Variants in CDH9 observed in about 807,000 individuals in gnomAD.
The protein encoded by CDH9 is cadherin 9.
CDH9 carries 28 observed loss-of-function variants against 70.9 expected under a neutral mutation model. That is an observed-to-expected ratio of 0.40 (90% confidence interval 0.29 to 0.54). The LOEUF is 0.54. CDH9 is among the 20% of genes least tolerant of loss of function. The pLI, the probability that CDH9 is intolerant of heterozygous loss-of-function variation, is 0.59. For synonymous variants in CDH9, 409 were observed against 343.1 expected (o/e 1.19, Z -2.12); for missense variants, 874 against 984.4 (o/e 0.89, Z 1.50).
intron 2 of CDH9, among the ~76,000 whole-genome samples, chr5:26,919,168 A>G (rs1002028001): frequency 6.6e-5 from 10 of 152,132 alleles, no homozygotes; most frequent in Non-Finnish European, 2.9e-5. Context: ...AGGCACTGAA[A>G]AAGGTAGAAA....
chr5:26,900,740 A>G (rs577129646), intron 7 of CDH9, among the ~76,000 whole-genome samples: 1 of 152,236 alleles, frequency 6.6e-6, no homozygotes, highest in South Asian at 2.1e-4. Context: ...TAGGATTTCT[A>G]GCATAAAAAT....
At chr5:26,939,900 AGCACT>A (rs1172056541) in intron 2 of CDH9, among the ~76,000 whole-genome samples, 2 of 152,118 alleles carry the variant, frequency 1.3e-5, no homozygotes, top group East Asian at 3.9e-4. Context: ...CTGTAATCCC[AGCACT>A]TTGGGAGGCT....
At chr5:26,897,371 G>T (rs1466373221) in intron 7 of CDH9, among the ~76,000 whole-genome samples, 1 of 152,074 alleles carries the variant, frequency 6.6e-6, no homozygotes, top group Non-Finnish European at 1.5e-5. Context: ...AACAAAAAAA[G>T]AAAATTTCAG....
At chr5:26,931,980 T>A (rs2112024896) in intron 2 of CDH9, among the ~76,000 whole-genome samples, 1 of 152,284 alleles carries the variant, frequency 6.6e-6, no homozygotes, top group South Asian at 2.1e-4. Flanking sequence ...TCAACCAAGA[T>A]AATTACAAAT....
chr5:26,941,044 A>G (rs773822391), intron 2 of CDH9, among the ~76,000 whole-genome samples: 1 of 152,222 alleles, frequency 6.6e-6, no homozygotes, highest in Non-Finnish European at 1.5e-5. Context: ...GAGAAAATGA[A>G]TGAATGTCTT....
At chr5:27,011,017 T>A (rs1196475877) in intron 1 of CDH9, among the ~76,000 whole-genome samples, 2 of 152,104 alleles carry the variant, frequency 1.3e-5, no homozygotes, top group African/African-American at 4.8e-5. Flanking sequence ...TTATGGCCCT[T>A]AAGCTTTCCA....
At chr5:27,035,777 G>T (rs951156267) in intron 1 of CDH9, among the ~76,000 whole-genome samples, 1 of 150,800 alleles carries the variant, frequency 6.6e-6, no homozygotes, top group African/African-American at 2.4e-5. Flanking sequence ...CATTTTTTAA[G>T]ATATCTTTTT....
chr5:27,019,242 T>G (rs1743096022), intron 1 of CDH9, among the ~76,000 whole-genome samples: 1 of 152,038 alleles, frequency 6.6e-6, no homozygotes. Flanking sequence ...CATCTCCTAT[T>G]ACAGATGAGA....
chr5:26,992,818 C>G (rs932925186), intron 1 of CDH9, among the ~76,000 whole-genome samples: 1 of 152,012 alleles, frequency 6.6e-6, no homozygotes. Context: ...AAATAATGGC[C>G]GGGCGTGGTG....
chr5:26,889,613 A>G (rs910145763), intron 9 of CDH9, among the ~76,000 whole-genome samples: 3 of 152,114 alleles, frequency 2.0e-5, no homozygotes, highest in African/African-American at 4.8e-5. Flanking sequence ...AAATTAAAAC[A>G]TATGTTATAA....
At position 26,910,212 on chromosome 5, in the gene CDH9, G is replaced by A. The variant is rs141741347; in HGVS notation, c.524-3374C>T. ...TAAATGACCCCAAAACCTAGGCCTC[G>A]TATCTATCATCCATCTATCTATCTA... On this transcript the variant is annotated intron_variant, in intron 3 of 11. Transcript: ENST00000231021. Among the ~76,000 whole-genome samples the A allele has an allele frequency of 6.7e-5, 9 of 134,016 alleles. No individual in the cohort carries two copies. The East Asian group carries it at 6.7e-4, about 10-fold the overall frequency. 87.9% of individuals were successfully genotyped at this position (134,016 alleles called of 152,430 possible). A position where few individuals can be genotyped will look rare whatever the true frequency, so the allele number is the denominator to read the frequency against.
intron 7 of CDH9, among the ~76,000 whole-genome samples, chr5:26,891,005 T>TA (rs1419176416): frequency 6.6e-6 from 1 of 152,228 alleles, no homozygotes; most frequent in African/African-American, 2.4e-5. Flanking sequence ...AAGGCTATTA[T>TA]AAAATACATC....
At position 26,952,611 on chromosome 5, in the gene CDH9, G is replaced by T. The variant is rs186341681; in HGVS notation, c.228+35495C>A. Among the ~76,000 whole-genome samples the T allele has an allele frequency of 2.8e-3, 363 of 130,910 alleles. 1 individual carries two copies. Among genetic ancestry groups the T allele is most frequent in the African/African-American group, 9.9e-3 (335 of 33,690 alleles). 85.9% of individuals were successfully genotyped at this position (130,910 alleles called of 152,430 possible). A position where few individuals can be genotyped will look rare whatever the true frequency, so the allele number is the denominator to read the frequency against. On this transcript the variant is annotated intron_variant, in intron 2 of 11. Transcript: ENST00000231021. ...GATCGCGCCACTGCACTCCAGCCTG[G>T]GCGACAGAGAAAGACTCCGTCTCAA...
intron 2 of CDH9, among the ~76,000 whole-genome samples, chr5:26,968,577 T>G (rs1485244231): frequency 2.0e-5 from 3 of 152,156 alleles, no homozygotes; most frequent in Non-Finnish European, 4.4e-5. Context: ...TAAAAATGAA[T>G]AGTTATTATC....
chr5:26,923,069 T>TAAAAAAAAAAAAAAAAA (rs56883597), intron 2 of CDH9, among the ~76,000 whole-genome samples: 24 of 95,034 alleles, frequency 2.5e-4, no homozygotes, highest in East Asian at 5.4e-4. Context: ...TTACATGAAT[T>TAAAAAAAAAAAAAAAAA]AAAAAAAAAA....
At chr5:26,995,672 A>G (rs1439017266) in intron 1 of CDH9, among the ~76,000 whole-genome samples, 1 of 152,126 alleles carries the variant, frequency 6.6e-6, no homozygotes, top group Non-Finnish European at 1.5e-5. Flanking sequence ...TTTTAAAGAT[A>G]GCAAGCTTTT....
At chr5:26,914,084 G>A (rs1741102973) in intron 3 of CDH9, among the ~76,000 whole-genome samples, 1 of 151,812 alleles carries the variant, frequency 6.6e-6, no homozygotes, top group Admixed American at 6.6e-5. Flanking sequence ...TATTCTTAAA[G>A]TTTCTCATAT....
intron 7 of CDH9, among the ~76,000 whole-genome samples, chr5:26,900,279 T>C (rs1401431337): frequency 6.6e-6 from 1 of 152,108 alleles, no homozygotes; most frequent in Non-Finnish European, 1.5e-5. Flanking sequence ...AACATTCTAA[T>C]TCTGTGCAAA....
chr5:26,910,817 A>T (rs9293248), intron 3 of CDH9, among the ~76,000 whole-genome samples: 11,877 of 152,124 alleles, frequency 0.078, 547 homozygotes, highest in African/African-American at 0.14. Flanking sequence ...GTTTTGACAG[A>T]GTCAACTGTT....
Sources: allele counts gnomAD v4.1 joint callset (sites outside exome capture counted in the v4.1 genomes callset), GRCh38; gene constraint gnomAD v4.1.1; transcripts MANE v1.5; gene names NCBI Gene and HGNC (gene_info 2026-07-23, HGNC 2026-07-21).